PABPC4L: variants seen among roughly 807,000 people sequenced by gnomAD.
The protein encoded by PABPC4L is polyadenylate-binding protein 4-like.
For missense variants in PABPC4L, 452 were observed against 451.4 expected, an observed-to-expected ratio of 1.00 and a Z score of -0.01; for synonymous variants, 169 against 164.1, an observed-to-expected ratio of 1.03 and a Z score of -0.23.
chr4:134,006,129 CATGA>C, the PABPC4L span, among the ~76,000 whole-genome samples: 2 of 151,836 alleles, frequency 1.3e-5, no homozygotes, highest in African/African-American at 4.8e-5. Context: ...GGATTACTCA[CATGA>C]AAGTGTTTTA....
At chr4:133,960,246 G>A in the PABPC4L span, among the ~76,000 whole-genome samples, 15 of 152,178 alleles carry the variant, frequency 9.9e-5, no homozygotes, top group South Asian at 2.1e-4. Flanking sequence ...AATACTGTGA[G>A]TGCCCAAACT....
the PABPC4L span, among the ~76,000 whole-genome samples, chr4:134,103,159 T>A: frequency 2.6e-5 from 4 of 151,700 alleles, no homozygotes; most frequent in South Asian, 8.3e-4. Flanking sequence ...TTAAATAAAA[T>A]ATAGGTTATT....
At chr4:134,064,652 TA>T in the PABPC4L span, among the ~76,000 whole-genome samples, 1 of 152,084 alleles carries the variant, frequency 6.6e-6, no homozygotes, top group Non-Finnish European at 1.5e-5. Context: ...GTTATATAGG[TA>T]AAGTGCATGT....
the PABPC4L span, among the ~76,000 whole-genome samples, chr4:134,070,930 G>A: frequency 1.3e-5 from 2 of 152,248 alleles, no homozygotes; most frequent in Admixed American, 1.3e-4. Flanking sequence ...TCTCCATATG[G>A]CTAAAGTCTC....
the PABPC4L span, among the ~76,000 whole-genome samples, chr4:134,173,779 C>T: frequency 0.022 from 3,417 of 152,128 alleles, 132 homozygotes; most frequent in African/African-American, 0.078. Flanking sequence ...TTACCCTGAT[C>T]TGAACATTAC....
chr4:134,168,870 A>G, the PABPC4L span, among the ~76,000 whole-genome samples: 2 of 152,026 alleles, frequency 1.3e-5, no homozygotes, highest in African/African-American at 4.8e-5. Flanking sequence ...CTACTCAAAA[A>G]CTATTCCAAA....
chr4:133,999,985 AT>A, the PABPC4L span, among the ~76,000 whole-genome samples: 1 of 152,112 alleles, frequency 6.6e-6, no homozygotes, highest in South Asian at 2.1e-4. Flanking sequence ...AAATAAAAAT[AT>A]TTTTTTCAAA....
the PABPC4L span, among the ~76,000 whole-genome samples, chr4:134,171,873 A>T: frequency 6.6e-6 from 1 of 152,102 alleles, no homozygotes; most frequent in East Asian, 1.9e-4. Flanking sequence ...TACCAACAAC[A>T]TCCAAGCTGA....
At chr4:134,107,501 C>A in the PABPC4L span, among the ~76,000 whole-genome samples, 1 of 151,590 alleles carries the variant, frequency 6.6e-6, no homozygotes, top group South Asian at 2.1e-4. Flanking sequence ...GTACTGTATA[C>A]ATTAAAGTGT....
At chr4:134,032,592 C>G in the PABPC4L span, among the ~76,000 whole-genome samples, 212 of 151,732 alleles carry the variant, frequency 1.4e-3, 6 homozygotes, top group South Asian at 0.042. Context: ...CACACTATAA[C>G]AGTAAAATGA....
At chr4:134,079,451 C>T in the PABPC4L span, among the ~76,000 whole-genome samples, 1 of 150,604 alleles carries the variant, frequency 6.6e-6, no homozygotes, top group Admixed American at 6.6e-5. Context: ...TGGTAGCGGA[C>T]GCCTGTAGTC....
the PABPC4L span, among the ~76,000 whole-genome samples, chr4:133,953,562 C>T: frequency 6.6e-6 from 1 of 152,176 alleles, no homozygotes; most frequent in African/African-American, 2.4e-5. Context: ...TCTGCAGAAA[C>T]TCAGAGGGAG....
chr4:134,154,743 C>G, the PABPC4L span, among the ~76,000 whole-genome samples: 1 of 151,920 alleles, frequency 6.6e-6, no homozygotes, highest in East Asian at 1.9e-4. Flanking sequence ...TTTAAACATT[C>G]TAATGACAGT....
At chr4:134,018,397 G>C in the PABPC4L span, among the ~76,000 whole-genome samples, 1 of 152,044 alleles carries the variant, frequency 6.6e-6, no homozygotes, top group East Asian at 1.9e-4. Context: ...TATATGTGCA[G>C]GTTTGTTATA....
At chr4:134,140,657 T>A in the PABPC4L span, among the ~76,000 whole-genome samples, 1 of 151,850 alleles carries the variant, frequency 6.6e-6, no homozygotes, top group Non-Finnish European at 1.5e-5. Flanking sequence ...TAGGGATTTT[T>A]AATCAAATTG....
chr4:133,952,583 A>G, the PABPC4L span, among the ~76,000 whole-genome samples: 5 of 152,120 alleles, frequency 3.3e-5, no homozygotes, highest in Admixed American at 6.5e-5. Context: ...CTTTCCTCCC[A>G]TTAATGAATA....
chr4:133,984,585 G>A, the PABPC4L span, among the ~76,000 whole-genome samples: 5 of 151,780 alleles, frequency 3.3e-5, no homozygotes, highest in Non-Finnish European at 7.4e-5. Context: ...ATGAAAGTCA[G>A]GATAATAAAG....
the PABPC4L span, among the ~76,000 whole-genome samples, chr4:134,188,311 T>A: frequency 6.6e-6 from 1 of 152,140 alleles, no homozygotes; most frequent in Admixed American, 6.6e-5. Context: ...TTTTTATAAT[T>A]ACTTTGGATG....
the PABPC4L span, among the ~76,000 whole-genome samples, chr4:134,045,999 G>A: frequency 6.6e-6 from 1 of 152,164 alleles, no homozygotes; most frequent in East Asian, 1.9e-4. Context: ...AAGGGGGCCA[G>A]CACCTCCACA....
Sources: allele counts gnomAD v4.1 joint callset (sites outside exome capture counted in the v4.1 genomes callset), GRCh38; gene constraint gnomAD v4.1.1; transcripts MANE v1.5; gene names NCBI Gene and HGNC (gene_info 2026-07-23, HGNC 2026-07-21).